ZBTB46: variants seen among roughly 807,000 people sequenced by gnomAD.
ZBTB46 encodes the protein zinc finger and BTB domain containing 46.
In ZBTB46, 8 loss-of-function variants were observed where a neutral mutation model predicts 44.1. That is an observed-to-expected ratio of 0.18 (90% CI 0.11 to 0.33). The LOEUF (loss-of-function observed/expected upper bound fraction) is 0.33, where lower values mean the gene tolerates loss of function less well. Among genes scored for constraint, ZBTB46 ranks in the 10% least tolerant of loss-of-function variants. The pLI, the probability that ZBTB46 is intolerant of heterozygous loss-of-function variation, is 1.00. For synonymous variants in ZBTB46, 409 were observed against 382.3 expected (o/e 1.07, Z -0.81); for missense variants, 651 against 847.7 (o/e 0.77, Z 2.88).
At chr20:63,796,368 C>T (rs773014583) in intron 1 of ZBTB46, among the ~76,000 whole-genome samples, 6 of 152,236 alleles carry the variant, frequency 3.9e-5, no homozygotes, top group Non-Finnish European at 7.3e-5. Flanking sequence ...GGCTCCTCCC[C>T]TAGGGCCCAT....
At chr20:63,804,368 AG>A (rs537159097) in intron 1 of ZBTB46, among the ~76,000 whole-genome samples, 87 of 152,298 alleles carry the variant, frequency 5.7e-4, no homozygotes, top group African/African-American at 2.0e-3. Flanking sequence ...ACAGTGGAAC[AG>A]GTCAGATCTG....
intron 1 of ZBTB46, among the ~76,000 whole-genome samples, chr20:63,808,463 T>TCAGCCC (rs1295939533): frequency 6.6e-6 from 1 of 152,086 alleles, no homozygotes; most frequent in Non-Finnish European, 1.5e-5. Context: ...ACAAGGAGTC[T>TCAGCCC]CAGCCCCGGG....
chr20:63,791,925 C>T (rs1009446774), intron 1 of ZBTB46, among the ~76,000 whole-genome samples: 19 of 152,210 alleles, frequency 1.2e-4, no homozygotes, highest in Non-Finnish European at 2.4e-4. Context: ...ACAACAGAAA[C>T]GTATTCTCAA....
intron 4 of ZBTB46, among the ~76,000 whole-genome samples, chr20:63,748,623 G>A (rs1043682031): frequency 1.3e-5 from 2 of 152,208 alleles, no homozygotes; most frequent in Non-Finnish European, 2.9e-5. Context: ...CCTGGCCCCT[G>A]GCCAAGTCCA....
chr20:63,807,104 ATGTT>A (rs2092686490), intron 1 of ZBTB46, among the ~76,000 whole-genome samples: 1 of 152,066 alleles, frequency 6.6e-6, no homozygotes, highest in African/African-American at 2.4e-5. Flanking sequence ...AATTCTTAAA[ATGTT>A]TGATAGAATT....
chr20:63,795,447 G>A (rs939580046), intron 1 of ZBTB46, among the ~76,000 whole-genome samples: 12 of 152,392 alleles, frequency 7.9e-5, no homozygotes, highest in Admixed American at 7.8e-4. Flanking sequence ...AGTGAGGGGG[G>A]CTGCGTGGGG....
chr20:63,758,825 G>A (rs1339058973), intron 3 of ZBTB46, among the ~76,000 whole-genome samples: 2 of 151,570 alleles, frequency 1.3e-5, no homozygotes, highest in East Asian at 1.9e-4. Flanking sequence ...TCCGCCTCCC[G>A]GGTTCACGCC....
At chr20:63,751,192 A>C (rs2092157663) in intron 4 of ZBTB46, among the ~76,000 whole-genome samples, 1 of 140,330 alleles carries the variant, frequency 7.1e-6, no homozygotes, top group African/African-American at 2.7e-5. Flanking sequence ...GTGTGAACAG[A>C]AGCACATCCT....
intron 3 of ZBTB46, among the ~76,000 whole-genome samples, chr20:63,756,531 A>G (rs2092221855): frequency 1.3e-5 from 2 of 152,226 alleles, no homozygotes; most frequent in Admixed American, 1.3e-4. Context: ...CTGTGTTAGA[A>G]TGTGATGAAA....
chr20:63,826,990 G>A (rs879323880), intron 1 of ZBTB46, among the ~76,000 whole-genome samples: 12 of 152,152 alleles, frequency 7.9e-5, no homozygotes, highest in African/African-American at 1.9e-4. Context: ...GTCTGGAACC[G>A]TGCGGGTGGA....
intron 3 of ZBTB46, among the ~76,000 whole-genome samples, chr20:63,763,955 CTTTCT>C (rs1317241445): frequency 6.6e-6 from 1 of 152,032 alleles, no homozygotes; most frequent in East Asian, 1.9e-4. Flanking sequence ...TTATCTGGTG[CTTTCT>C]TTTTTCTTTT....
chr20:63,827,105 A>G (rs1030183901), intron 1 of ZBTB46, among the ~76,000 whole-genome samples: 11 of 152,084 alleles, frequency 7.2e-5, no homozygotes, highest in Admixed American at 1.3e-4. Context: ...CCCTCCTCCC[A>G]GCCTTGGGCC....
chr20:63,769,372 G>C (rs2092347777), intron 3 of ZBTB46: 1 of 985,422 alleles, frequency 1.0e-6, no homozygotes, highest in Non-Finnish European at 1.2e-6. Flanking sequence ...ACCCTCACAA[G>C]GGACCCAGGC....
Position 63,767,064 on chromosome 20 carries a change from C to T in ZBTB46, c.1222+8614G>A, listed in dbSNP as rs1306414018. On this transcript the variant is annotated intron_variant, in intron 3 of 4. Transcript: ENST00000245663. This position sits in a 1 kb window ranked among gnomAD's most constrained non-coding sequence, Gnocchi z 5.0. ...CTGACATTGAACCTAACACGTCCGA[C>T]GAGGACGGGCAAGGGCACCGCGGGG... is the stretch of plus-strand genomic sequence containing the variant. Among the ~76,000 whole-genome samples the T allele has an allele frequency of 2.6e-5, 4 of 152,236 alleles. No homozygotes were observed. The highest frequency in any genetic ancestry group is 5.9e-5 in the Non-Finnish European group (4 of 68,036).
intron 1 of ZBTB46, among the ~76,000 whole-genome samples, chr20:63,804,733 A>T (rs1021499949): frequency 2.0e-5 from 3 of 151,850 alleles, no homozygotes; most frequent in African/African-American, 7.2e-5. Flanking sequence ...CTCTACCAAA[A>T]TTAAAAAAAT....
Position 63,775,717 on chromosome 20 carries a change from G to A in ZBTB46, c.1183C>T (p.Leu395=). The A allele has an allele frequency of 6.2e-7, 1 of 1,606,414 alleles. No homozygotes were observed. The highest frequency in any genetic ancestry group is 2.2e-5 in the East Asian group (1 of 44,808). ...ADVLGDDGSL[L]FEYLPRGAHS... ...GCCCCTCTGGGCAGGTACTCGAACA[G>A]CAGGGAGCCGTCATCCCCCAGCACG... is the stretch of plus-strand genomic sequence containing the variant. The change falls in exon 3 of 5, where the codon CTG becomes TTG. Residue 395 remains leucine (L), a synonymous_variant. Coordinates refer to ENST00000245663, the MANE Select transcript of ZBTB46 (RefSeq NM_001369741.1).
chr20:63,826,559 T>TA (rs72142838), intron 1 of ZBTB46, among the ~76,000 whole-genome samples: 12,145 of 139,302 alleles, frequency 0.087, 904 homozygotes, highest in East Asian at 0.45. Context: ...CATCTCTACT[T>TA]AAAAAAAAAA....
At chr20:63,807,061 C>T (rs534891962) in intron 1 of ZBTB46, among the ~76,000 whole-genome samples, 9 of 152,000 alleles carry the variant, frequency 5.9e-5, no homozygotes, top group African/African-American at 2.2e-4. Context: ...GGATTACAGG[C>T]GTGAGCCACC....
At chr20:63,827,891 C>G (rs1018493389) in intron 1 of ZBTB46, among the ~76,000 whole-genome samples, 1 of 152,194 alleles carries the variant, frequency 6.6e-6, no homozygotes, top group Non-Finnish European at 1.5e-5. Flanking sequence ...TATGCTTTAA[C>G]AGGACAATGT....
Sources: gnomAD v4.1 joint callset for allele counts (sites outside exome capture counted in the v4.1 genomes callset) on GRCh38, gnomAD v4.1.1 for gene constraint, Gnocchi (gnomAD v3.1) non-coding constraint, MANE v1.5 for transcripts, NCBI Gene and HGNC (gene_info 2026-07-23, HGNC 2026-07-21) for gene names.